PRKAG2: variants seen among roughly 807,000 people sequenced by gnomAD.
PRKAG2 encodes the protein 5'-AMP-activated protein kinase subunit gamma-2.
Under a neutral mutation model 69.6 loss-of-function variants are expected in PRKAG2, and 26 were observed. That is an observed-to-expected ratio of 0.37 (90% CI 0.27 to 0.52). PRKAG2 has a LOEUF of 0.52. PRKAG2 is among the 20% of genes least tolerant of loss of function. PRKAG2 has a pLI of 0.90. For missense variants in PRKAG2, 557 were observed against 740.0 expected (o/e 0.75, Z 2.87); for synonymous variants, 293 against 285.0 (o/e 1.03, Z -0.28).
At chr7:151,577,723 TCTCA>T (rs1008677817) in intron 6 of PRKAG2, among the ~76,000 whole-genome samples, 2 of 151,742 alleles carry the variant, frequency 1.3e-5, no homozygotes, top group African/African-American at 4.8e-5. Context: ...AAAATCCACC[TCTCA>T]AACAAAACTT....
chr7:151,755,968 C>T (rs1485210859), intron 3 of PRKAG2, among the ~76,000 whole-genome samples: 1 of 152,190 alleles, frequency 6.6e-6, no homozygotes, highest in Admixed American at 6.5e-5. Flanking sequence ...GGGGCCCTCC[C>T]AGGTGGAAGT....
intron 1 of PRKAG2, among the ~76,000 whole-genome samples, chr7:151,869,030 A>T (rs1156709835): frequency 6.6e-6 from 1 of 152,244 alleles, no homozygotes; most frequent in African/African-American, 2.4e-5. Context: ...TGTTCAGCAC[A>T]GTCCAAATTG....
chr7:151,794,518 G>A (rs988430123), intron 1 of PRKAG2, among the ~76,000 whole-genome samples: 4 of 152,242 alleles, frequency 2.6e-5, no homozygotes, highest in African/African-American at 9.6e-5. Context: ...TGGGCATGGC[G>A]AGGGCCGCTG....
chr7:151,797,134 G>A (rs1011784806), intron 1 of PRKAG2, among the ~76,000 whole-genome samples: 1 of 152,170 alleles, frequency 6.6e-6, no homozygotes, highest in East Asian at 1.9e-4. Flanking sequence ...CAGCCACGAG[G>A]TGAAAGTGAG....
intron 3 of PRKAG2, among the ~76,000 whole-genome samples, chr7:151,724,078 C>T (rs964782661): frequency 1.2e-4 from 18 of 152,182 alleles, no homozygotes; most frequent in African/African-American, 3.4e-4. Flanking sequence ...TATTCCTACA[C>T]CTTCCCTCTG....
chr7:151,609,520 G>A (rs1818265011), intron 5 of PRKAG2, among the ~76,000 whole-genome samples: 1 of 152,052 alleles, frequency 6.6e-6, no homozygotes. Flanking sequence ...GGATTTCAAC[G>A]TGTCCTATTT....
At chr7:151,860,464 T>A (rs188835805) in intron 1 of PRKAG2, among the ~76,000 whole-genome samples, 31 of 152,236 alleles carry the variant, frequency 2.0e-4, no homozygotes, top group African/African-American at 7.2e-4. Context: ...ATGGGTGCCA[T>A]CTGTGGTGCC....
At chr7:151,703,584 T>C (rs992625929) in intron 3 of PRKAG2, among the ~76,000 whole-genome samples, 36 of 152,156 alleles carry the variant, frequency 2.4e-4, no homozygotes, top group African/African-American at 8.0e-4. Flanking sequence ...ACAAAGTTCA[T>C]GCATCCATGT....
Position 151,735,935 on chromosome 7 carries a change from G to A in PRKAG2, c.466+45217C>T, listed in dbSNP as rs562533127. On this transcript the variant is annotated intron_variant, in intron 3 of 15. Transcript: ENST00000287878. Reference sequence around the variant, plus strand: ...ATGAGGCTCCGACTGGCGCCTCTCCGTGCTTCGATTTTGGTCCTTGTGTTT... The same window carrying A: ...ATGAGGCTCCGACTGGCGCCTCTCCATGCTTCGATTTTGGTCCTTGTGTTT... The A allele has an allele frequency of 5.5e-5, 84 of 1,536,354 alleles. No individual in the cohort carries two copies. The South Asian group carries it at 5.6e-4, about 10-fold the overall frequency.
chr7:151,720,368 C>A (rs1796856982), intron 3 of PRKAG2, among the ~76,000 whole-genome samples: 2 of 151,952 alleles, frequency 1.3e-5, no homozygotes, highest in African/African-American at 4.8e-5. Context: ...CCTAATACAG[C>A]AAGACCATGG....
intron 4 of PRKAG2, among the ~76,000 whole-genome samples, chr7:151,654,519 C>A (rs1247357345): frequency 6.6e-6 from 1 of 152,222 alleles, no homozygotes; most frequent in East Asian, 1.9e-4. Flanking sequence ...TACGACTATG[C>A]AAATACTACT....
At chr7:151,706,892 G>C (rs1257723011) in intron 3 of PRKAG2, among the ~76,000 whole-genome samples, 1 of 152,258 alleles carries the variant, frequency 6.6e-6, no homozygotes, top group Admixed American at 6.5e-5. Context: ...ACTAGATGGA[G>C]TAGGGCACTC....
At chr7:151,598,644 G>T (rs972107878) in intron 5 of PRKAG2, among the ~76,000 whole-genome samples, 1 of 151,720 alleles carries the variant, frequency 6.6e-6, no homozygotes, top group South Asian at 2.1e-4. Context: ...GAAAAAAAAG[G>T]CTACTATATT....
At position 151,777,193 on chromosome 7, in the gene PRKAG2, G is replaced by A. The variant is rs75533315; in HGVS notation, c.466+3959C>T. On this transcript the variant is annotated intron_variant, in intron 3 of 15. Transcript: ENST00000287878. The surrounding 1 kb of genome is among the most constrained non-coding windows in gnomAD (Gnocchi z 4.3). ...CATGGCCAGGTTCAGCATGGGCCCC[G>A]AGGTCTAGCTCTTCACTGCGGCAGC... Among the ~76,000 whole-genome samples, 573 of 152,312 alleles carry A rather than the reference G, an allele frequency of 3.8e-3. 7 individuals carry two copies. The highest frequency in any genetic ancestry group is 0.013 in the African/African-American group (551 of 41,580).
At position 151,876,988 on chromosome 7, in the gene PRKAG2, G is replaced by T; in HGVS notation, c.-368C>A. 2.8e-6 allele frequency: 1 copy of T among 359,572 alleles called. No homozygotes were observed. The highest frequency in any genetic ancestry group is 2.5e-5 in the South Asian group (1 of 39,994). 22.3% of individuals were successfully genotyped at this position (359,572 alleles called of 1,614,324 possible). On this transcript the variant is annotated 5_prime_UTR_variant, in exon 1 of 16. Transcript: ENST00000287878. ...CGGCTCCTCCCACAGATTCCCAGAG[G>T]TAATCTGAAAGGCAGGTGCAATTAA...
At chr7:151,598,778 A>G (rs1373050291) in intron 5 of PRKAG2, among the ~76,000 whole-genome samples, 8 of 152,242 alleles carry the variant, frequency 5.3e-5, no homozygotes, top group African/African-American at 1.7e-4. Flanking sequence ...AATGGTAACA[A>G]TGTGGACAAA....
At chr7:151,716,813 C>A (rs909939815) in intron 3 of PRKAG2, among the ~76,000 whole-genome samples, 6 of 152,242 alleles carry the variant, frequency 3.9e-5, no homozygotes, top group African/African-American at 1.4e-4. Flanking sequence ...CACGCAGCTG[C>A]TCCAGCCCCC....
chr7:151,851,303 T>G (rs2079561555), intron 1 of PRKAG2, among the ~76,000 whole-genome samples: 1 of 151,434 alleles, frequency 6.6e-6, no homozygotes, highest in African/African-American at 2.4e-5. Flanking sequence ...TAAGAACGGG[T>G]TTTCCCAGTT....
At chr7:151,803,503 C>G (rs559817369) in intron 1 of PRKAG2, among the ~76,000 whole-genome samples, 7 of 152,250 alleles carry the variant, frequency 4.6e-5, no homozygotes, top group Admixed American at 4.6e-4. Flanking sequence ...CATTTATATC[C>G]TACTCATTCT....
Sources: allele counts gnomAD v4.1 joint callset (sites outside exome capture counted in the v4.1 genomes callset), GRCh38; gene constraint gnomAD v4.1.1; non-coding constraint Gnocchi (gnomAD v3.1); transcripts MANE v1.5; gene names NCBI Gene and HGNC (gene_info 2026-07-23, HGNC 2026-07-21).